Variants in RAD52 observed in about 807,000 individuals in gnomAD.
RAD52 encodes RAD52 DNA repair protein.
Under a neutral mutation model 55.5 loss-of-function variants are expected in RAD52, and 47 were observed. That is an observed-to-expected ratio of 0.85 (90% CI 0.67 to 1.08). RAD52 has a LOEUF of 1.08. Among genes scored for constraint, RAD52 ranks in the 50% least tolerant of loss-of-function variants. The pLI, the probability that RAD52 is intolerant of heterozygous loss-of-function variation, is 0.00. For synonymous variants in RAD52, 184 were observed against 198.9 expected (o/e 0.92, Z 0.63); for missense variants, 468 against 522.8 (o/e 0.90, Z 1.02).
intron 2 of RAD52, among the ~76,000 whole-genome samples, 163 bp downstream of exon 2, chr12:932,812 C>CCCCCGCACGCACCGCG (rs1565672923): frequency 2.5e-4 from 7 of 27,496 alleles, no homozygotes; most frequent in African/African-American, 4.5e-4. Context: ...CTAGGTACTG[C>CCCCCGCACGCACCGCG]TCACACACGT....
chr12:933,031 C>T lies in RAD52; in HGVS notation c.28G>A (p.Gly10Arg). 1 of 1,613,110 alleles carries T rather than the reference C, an allele frequency of 6.2e-7. No homozygotes were observed. Among genetic ancestry groups the T allele is most frequent in the Non-Finnish European group, 8.5e-7 (1 of 1,179,538 alleles). MSGTEEAILGGRDSHPAAGG... is the reference protein window; with the variant it reads MSGTEEAILRGRDSHPAAGG... ...GCAGCAGGATGGCTGTCACGTCCTC[C>T]AAGAATTGCTTCCTCAGTCCCAGAC... The change falls in exon 2 of 12, where the codon GGA (glycine) becomes AGA (arginine). Residue 10 changes from glycine to arginine, a missense_variant. Transcript: ENST00000358495.
chr12:955,901 C>T (rs2154120358), intron 1 of RAD52, among the ~76,000 whole-genome samples: 1 of 152,232 alleles, frequency 6.6e-6, no homozygotes, highest in Admixed American at 6.5e-5. Context: ...CTGCCTTAGC[C>T]TCCCTAGTAG....
rs2154113990 is a variant in RAD52 at position 930,108 on chromosome 12, C to A, written c.223G>T (p.Ala75Ser). 1 of 1,613,966 alleles carries A rather than the reference C, an allele frequency of 6.2e-7. No homozygotes were observed. Among genetic ancestry groups the A allele is most frequent in the Non-Finnish European group, 8.5e-7 (1 of 1,179,892 alleles). Reference sequence around the variant, plus strand: ...CCATTGTAACCAAACATCTCATTGGCCAGATTAATTACCCGATGACCCTCA... The same window carrying A: ...CCATTGTAACCAAACATCTCATTGGACAGATTAATTACCCGATGACCCTCA... The part of the protein sequence containing the change: ...YIEGHRVINL[A>S]NEMFGYNGWA... Residue 75 changes from alanine to serine, a missense_variant, in exon 4 of 12, where the codon GCC (alanine) becomes TCC (serine). Ala to Ser is a moderately conservative substitution (Grantham distance 99). Transcript: ENST00000358495.
chr12:945,306 G>A (rs374860845), intron 1 of RAD52, among the ~76,000 whole-genome samples: 15 of 150,490 alleles, frequency 1.0e-4, no homozygotes, highest in East Asian at 7.9e-4. Flanking sequence ...AGCCAAGATC[G>A]CACCACTGCA....
intron 1 of RAD52, among the ~76,000 whole-genome samples, chr12:947,499 A>C (rs1372091412): frequency 6.7e-6 from 1 of 148,514 alleles, no homozygotes; most frequent in African/African-American, 2.5e-5. Flanking sequence ...AATACCAAAA[A>C]TTAGCCTGGC....
At chr12:955,486 T>C (rs1451208054) in intron 1 of RAD52, among the ~76,000 whole-genome samples, 2 of 151,838 alleles carry the variant, frequency 1.3e-5, no homozygotes, top group Non-Finnish European at 2.9e-5. Context: ...TTCTTTTTTT[T>C]TTTTTGAGAC....
intron 1 of RAD52, among the ~76,000 whole-genome samples, chr12:973,351 G>T (rs1958893388): frequency 6.6e-6 from 1 of 152,294 alleles, no homozygotes; most frequent in African/African-American, 2.4e-5. Context: ...TTACAGGTGT[G>T]AGCCACCACA....
intron 1 of RAD52, among the ~76,000 whole-genome samples, chr12:938,619 G>A (rs1337069724): frequency 6.6e-6 from 1 of 152,144 alleles, no homozygotes; most frequent in Non-Finnish European, 1.5e-5. Context: ...AGCGGGTGGA[G>A]GTTGCATGAG....
In RAD52 at chr12:980,978, C is replaced by T. The variant is rs565898025; in HGVS notation, c.-19+8831G>A. Among the ~76,000 whole-genome samples, 19 of 152,094 alleles carry T rather than the reference C, an allele frequency of 1.2e-4. No individual in the cohort carries two copies. In the South Asian group the frequency reaches 3.5e-3, roughly 28 times the overall value. ...ATGCATTTATCCTGATCCCAACAGC[C>T]GCAAAAGTCTTACCTCATTTCAGCA... On this transcript the variant is annotated intron_variant, in intron 1 of 11. Coordinates refer to the RAD52 transcript ENST00000430095.
chr12:984,586 T>C (rs983506939), intron 1 of RAD52, among the ~76,000 whole-genome samples: 1 of 152,138 alleles, frequency 6.6e-6, no homozygotes, highest in African/African-American at 2.4e-5. Flanking sequence ...TTATTTTACT[T>C]AGTGTAAGGT....
At chr12:940,946 T>C (rs1032318196) in intron 1 of RAD52, among the ~76,000 whole-genome samples, 11 of 152,016 alleles carry the variant, frequency 7.2e-5, no homozygotes, top group African/African-American at 2.7e-4. Flanking sequence ...TGAAGTGAAA[T>C]TGAACTCACA....
At chr12:980,341 T>G (rs74749226) in intron 1 of RAD52, among the ~76,000 whole-genome samples, 54,439 of 149,908 alleles carry the variant, frequency 0.36, 11,893 homozygotes, top group East Asian at 0.77. Flanking sequence ...TCCCCCAGGC[T>G]GGAGTACAAT....
At chr12:972,557 G>A (rs929031095) in intron 1 of RAD52, among the ~76,000 whole-genome samples, 21 of 151,828 alleles carry the variant, frequency 1.4e-4, no homozygotes, top group Non-Finnish European at 1.6e-4. Flanking sequence ...ACGAGGTCAG[G>A]AGATCGAGAC....
At chr12:936,031 C>T (rs1423438423) in intron 1 of RAD52, among the ~76,000 whole-genome samples, 8 of 150,532 alleles carry the variant, frequency 5.3e-5, no homozygotes, top group Admixed American at 1.3e-4. Flanking sequence ...TGGCCGGGCA[C>T]GGTGGCTCAC....
Position 914,543 on chromosome 12 carries a change from CAG to C in RAD52, c.866-13_866-12del. 6.2e-7 allele frequency: 1 copy of C among 1,612,808 alleles called. No homozygotes were observed. Among genetic ancestry groups the C allele is most frequent in the African/African-American group, 1.3e-5 (1 of 74,992 alleles). The stretch of plus-strand genomic sequence containing the variant: ...GGGCCGGAGGCGCTGCTACGGTTCA[CAG>C]AGGAGAGAAAGGACAAGTCATCATC... On this transcript the variant is annotated splice_polypyrimidine_tract_variant and intron_variant, in intron 9 of 11. Coordinates refer to ENST00000358495, the MANE Select transcript of RAD52 (RefSeq NM_134424.4).
chr12:925,463 T>C lies in RAD52; in HGVS notation c.530A>G (p.Lys177Arg). The C allele has an allele frequency of 6.2e-7, 1 of 1,613,816 alleles. No homozygotes were observed. The highest frequency in any genetic ancestry group is 8.5e-7 in the Non-Finnish European group (1 of 1,179,706). Residue 177 changes from lysine to arginine, a missense_variant, in exon 7 of 12, where the codon AAG (lysine) becomes AGG (arginine). Physicochemically the swap from Lys to Arg is conservative, Grantham distance 26. Transcript: ENST00000358495. Reference sequence around the variant, plus strand: ...TGTCTGATATACCTGGCGTGGAAGCTTATTTAGTGATCTCAGGTAGTCTTT... The same window carrying C: ...TGTCTGATATACCTGGCGTGGAAGCCTATTTAGTGATCTCAGGTAGTCTTT... ...LDKDYLRSLN[K>R]LPRQLPLEVD...
At chr12:920,053 CAA>C (rs746260206) in intron 7 of RAD52, among the ~76,000 whole-genome samples, 3 of 89,634 alleles carry the variant, frequency 3.3e-5, no homozygotes, top group Non-Finnish European at 6.9e-5. Flanking sequence ...AACTCTGTCT[CAA>C]AAAAAAAAAA....
intron 7 of RAD52, among the ~76,000 whole-genome samples, chr12:919,136 C>G (rs1447662043): frequency 1.3e-5 from 2 of 152,144 alleles, no homozygotes; most frequent in African/African-American, 4.8e-5. Flanking sequence ...GTCTGATTCT[C>G]TATCTGGGAG....
At chr12:939,084 G>A (rs75164087) in intron 1 of RAD52, among the ~76,000 whole-genome samples, 253 of 99,596 alleles carry the variant, frequency 2.5e-3, no homozygotes, top group South Asian at 5.5e-3. Context: ...GTGTGTGTGT[G>A]TAGAGAGAGA....
Sources: allele counts gnomAD v4.1 joint callset (sites outside exome capture counted in the v4.1 genomes callset), GRCh38; gene constraint gnomAD v4.1.1; transcripts MANE v1.5; gene names NCBI Gene and HGNC (gene_info 2026-07-23, HGNC 2026-07-21).